The following KCNQ1OT1 variants were observed in gnomAD, a reference collection of about 807,000 sequenced individuals.
KCNQ1OT1 encodes the protein KCNQ1 antisense RNA 2 (non-protein coding).
Position 2,698,891 on chromosome 11 carries a change from A to G in KCNQ1OT1, n.1104T>C, listed in dbSNP as rs940071161. On this transcript the variant is annotated non_coding_transcript_exon_variant, in exon 1 of 1. Transcript: ENST00000597346. The surrounding 1 kb of genome is among the most constrained non-coding windows in gnomAD (Gnocchi z 5.1). ...TGGGACCCCAACTACTCAGATCCCA[A>G]CTCAGGCAAACTCCCAGCCAGGATG... The G allele has an allele frequency of 5.0e-6, 2 of 398,616 alleles. No homozygotes were observed. Among genetic ancestry groups the G allele is most frequent in the East Asian group, 3.6e-5 (1 of 28,090 alleles). 24.7% of individuals were successfully genotyped at this position (398,616 alleles called of 1,614,324 possible).
exon 1 of KCNQ1OT1, chr11:2,609,908 T>C: frequency 2.5e-6 from 1 of 398,106 alleles, no homozygotes; most frequent in Non-Finnish European, 4.4e-6. Context: ...ATTTATCATC[T>C]AAAGTGTGCC....
chr11:2,616,379 AG>A (rs1183117158), exon 1 of KCNQ1OT1: 1 of 397,720 alleles, frequency 2.5e-6, no homozygotes, highest in Non-Finnish European at 4.4e-6. Context: ...TGTTTATTTA[AG>A]CTCGAATTCA....
chr11:2,661,931 T>G lies in KCNQ1OT1; in HGVS notation n.38064A>C. The G allele has an allele frequency of 6.2e-7, 1 of 1,614,016 alleles. No individual in the cohort carries two copies. The highest frequency in any genetic ancestry group is 8.5e-7 in the Non-Finnish European group (1 of 1,180,024). On this transcript the variant is annotated non_coding_transcript_exon_variant, in exon 1 of 1. Transcript: ENST00000597346. This position sits in a 1 kb window ranked among gnomAD's most constrained non-coding sequence, Gnocchi z 5.9. Reference sequence around the variant, plus strand: ...GCACTGGCAGGTTGGGTGGGAGGCCTAACGTGCTGTCCCCACACTTTCTCC... The same window carrying G: ...GCACTGGCAGGTTGGGTGGGAGGCCGAACGTGCTGTCCCCACACTTTCTCC...
rs1249126036 is a variant in KCNQ1OT1, at chr11:2,613,291, A to G, written n.86704T>C. The G allele has an allele frequency of 2.5e-6, 1 of 398,562 alleles. No homozygotes were observed. Among genetic ancestry groups the G allele is most frequent in the East Asian group, 3.6e-5 (1 of 28,072 alleles). 24.7% of individuals were successfully genotyped at this position (398,562 alleles called of 1,614,324 possible). A position where few individuals can be genotyped will look rare whatever the true frequency, so the allele number is the denominator to read the frequency against. ...CTGATCTCTCCTGCAAGCATGTACA[A>G]CTTCCATATCTCCAGAATTCCTTTT... On this transcript the variant is annotated non_coding_transcript_exon_variant, in exon 1 of 1. Coordinates refer to ENST00000597346, the Ensembl canonical transcript of KCNQ1OT1. The surrounding 1 kb of genome is among the most constrained non-coding windows in gnomAD (Gnocchi z 4.8).
chr11:2,663,360 G>T lies in KCNQ1OT1; in HGVS notation n.36635C>A. ...GAGCAGGCTGGTAGCCAGATGGGCT[G>T]CCCAGGTACAGGTCAGCACCAGAAG... On this transcript the variant is annotated non_coding_transcript_exon_variant, in exon 1 of 1. Coordinates refer to ENST00000597346, the Ensembl canonical transcript of KCNQ1OT1. The surrounding 1 kb of genome is among the most constrained non-coding windows in gnomAD (Gnocchi z 5.2). The T allele has an allele frequency of 2.5e-6, 1 of 398,820 alleles. No homozygotes were observed. The highest frequency in any genetic ancestry group is 4.4e-6 in the Non-Finnish European group (1 of 226,210). 24.7% of individuals were successfully genotyped at this position (398,820 alleles called of 1,614,324 possible). A position where few individuals can be genotyped will look rare whatever the true frequency, so the allele number is the denominator to read the frequency against.
rs1850133781 is a variant in KCNQ1OT1, at chr11:2,669,005, C to T, written n.30990G>A. ...AGGCCGAGGTCAAGGTCCACTCTTC[C>T]CCTACTTGGATATCCAGTCTAGCTC... On this transcript the variant is annotated non_coding_transcript_exon_variant, in exon 1 of 1. Coordinates refer to ENST00000597346, the Ensembl canonical transcript of KCNQ1OT1. This position sits in a 1 kb window ranked among gnomAD's most constrained non-coding sequence, Gnocchi z 5.6. 1 of 398,554 alleles carries T rather than the reference C, an allele frequency of 2.5e-6. No homozygotes were observed. The highest frequency in any genetic ancestry group is 1.3e-4 in the South Asian group (1 of 7,862). 24.7% of individuals were successfully genotyped at this position (398,554 alleles called of 1,614,324 possible).
chr11:2,667,312 T>C (rs1169651156), exon 1 of KCNQ1OT1: 5 of 398,470 alleles, frequency 1.3e-5, no homozygotes, highest in East Asian at 3.6e-5. Context: ...TCTAGGTGGA[T>C]GGCCCAGAAG....
chr11:2,623,375 T>C lies in KCNQ1OT1; in HGVS notation n.76620A>G. 2.5e-6 allele frequency: 1 copy of C among 398,622 alleles called. No homozygotes were observed. Among genetic ancestry groups the C allele is most frequent in the Non-Finnish European group, 4.4e-6 (1 of 226,056 alleles). The allele number at this position is 398,622 out of a possible 1,614,324, so 24.7% of individuals were successfully genotyped here. Reference sequence around the variant, plus strand: ...TCATACAGATACGTATATTTACATATATTTGTACATTTTCACTGCCCTAAA... The same window carrying C: ...TCATACAGATACGTATATTTACATACATTTGTACATTTTCACTGCCCTAAA... On this transcript the variant is annotated non_coding_transcript_exon_variant, in exon 1 of 1. Transcript: ENST00000597346. The surrounding 1 kb of genome is among the most constrained non-coding windows in gnomAD (Gnocchi z 5.2).
rs1049477808 is a variant in KCNQ1OT1, at chr11:2,610,862, G to C, written n.89133C>G. 1.5e-5 allele frequency: 6 copies of C among 398,064 alleles called. No individual in the cohort carries two copies. The East Asian group carries it at 2.1e-4, about 14-fold the overall frequency. 24.7% of individuals were successfully genotyped at this position (398,064 alleles called of 1,614,324 possible). On this transcript the variant is annotated non_coding_transcript_exon_variant, in exon 1 of 1. Coordinates refer to ENST00000597346, the Ensembl canonical transcript of KCNQ1OT1. ...AGAACAGGGGAGGGTATTAAGCAGA[G>C]TGCCACATAGCCTCACCTCCCACCA...
chr11:2,685,531 G>A, exon 1 of KCNQ1OT1: 1 of 398,748 alleles, frequency 2.5e-6, no homozygotes. Context: ...TCCTACAGGT[G>A]CAGTGGGAGG....
Position 2,620,039 on chromosome 11 carries a change from G to C in KCNQ1OT1, n.79956C>G. 1 of 398,170 alleles carries C rather than the reference G, an allele frequency of 2.5e-6. No homozygotes were observed. The highest frequency in any genetic ancestry group is 4.4e-6 in the Non-Finnish European group (1 of 226,014). 24.7% of individuals were successfully genotyped at this position (398,170 alleles called of 1,614,324 possible). ...CCATTCCTCCCCCAAGTAGTCCCCA[G>C]TGTCTACTGATCATCTTTATGTCCA... On this transcript the variant is annotated non_coding_transcript_exon_variant, in exon 1 of 1. Coordinates refer to ENST00000597346, the Ensembl canonical transcript of KCNQ1OT1. This position sits in a 1 kb window ranked among gnomAD's most constrained non-coding sequence, Gnocchi z 4.5.
Position 2,621,459 on chromosome 11 carries a change from G to A in KCNQ1OT1, n.78536C>T, listed in dbSNP as rs946253092. Reference sequence around the variant, plus strand: ...TCTGGACATAGGACCTTTGCCAGATGAATAGTTTGCAAATATTTTTTCTCC... The same window carrying A: ...TCTGGACATAGGACCTTTGCCAGATAAATAGTTTGCAAATATTTTTTCTCC... On this transcript the variant is annotated non_coding_transcript_exon_variant, in exon 1 of 1. Coordinates refer to ENST00000597346, the Ensembl canonical transcript of KCNQ1OT1. The surrounding 1 kb of genome is among the most constrained non-coding windows in gnomAD (Gnocchi z 5.7). 7.5e-6 allele frequency: 3 copies of A among 398,536 alleles called. No individual in the cohort carries two copies. The highest frequency in any genetic ancestry group is 8.8e-6 in the Non-Finnish European group (2 of 226,052). 24.7% of individuals were successfully genotyped at this position (398,536 alleles called of 1,614,324 possible).
At chr11:2,667,429 C>T in exon 1 of KCNQ1OT1, 1 of 398,736 alleles carries the variant, frequency 2.5e-6, no homozygotes, top group Non-Finnish European at 4.4e-6. Flanking sequence ...GAACTCCCAG[C>T]CATGATGCTG....
rs762818502 is a variant in KCNQ1OT1, at chr11:2,661,965, G to A, written n.38030C>T. 1.9e-6 allele frequency: 3 copies of A among 1,614,182 alleles called. No homozygotes were observed. Among genetic ancestry groups the A allele is most frequent in the Non-Finnish European group, 2.5e-6 (3 of 1,180,046 alleles). The stretch of plus-strand genomic sequence containing the variant: ...GTCCCCACACTTTCTCCTCAGTAAG[G>A]AAGAGCCCAACACTGCTGGAAGTGA... On this transcript the variant is annotated non_coding_transcript_exon_variant, in exon 1 of 1. Coordinates refer to ENST00000597346, the Ensembl canonical transcript of KCNQ1OT1. The surrounding 1 kb of genome is among the most constrained non-coding windows in gnomAD (Gnocchi z 5.9).
In KCNQ1OT1 at chr11:2,678,391, A is replaced by G. The variant is rs1045826607; in HGVS notation, n.21604T>C. The G allele has an allele frequency of 1.3e-5, 5 of 398,432 alleles. No homozygotes were observed. Among genetic ancestry groups the G allele is most frequent in the African/African-American group, 2.1e-5 (1 of 48,610 alleles). 24.7% of individuals were successfully genotyped at this position (398,432 alleles called of 1,614,324 possible). ...AATTAAATCCAATTTGGTTTCCCAT[A>G]TATTTGTCCAGTTGTCCAACACTAT... On this transcript the variant is annotated non_coding_transcript_exon_variant, in exon 1 of 1. Transcript: ENST00000597346. This position sits in a 1 kb window ranked among gnomAD's most constrained non-coding sequence, Gnocchi z 4.9.
chr11:2,629,199 C>T (rs1261542468), exon 1 of KCNQ1OT1: 1 of 398,120 alleles, frequency 2.5e-6, no homozygotes. Context: ...GCTATTTCGG[C>T]AATATTTATT....
rs969799765 is a variant in KCNQ1OT1, at chr11:2,674,504, C to G, written n.25491G>C. 3 of 398,470 alleles carry G rather than the reference C, an allele frequency of 7.5e-6. No homozygotes were observed. The highest frequency in any genetic ancestry group is 6.2e-5 in the African/African-American group (3 of 48,604). 24.7% of individuals were successfully genotyped at this position (398,470 alleles called of 1,614,324 possible). ...GTAAGATGGCCCCAGTGTTACTAGG[C>G]ACTAGATGGCACTTGCAAAGCCCAT... On this transcript the variant is annotated non_coding_transcript_exon_variant, in exon 1 of 1. Coordinates refer to ENST00000597346, the Ensembl canonical transcript of KCNQ1OT1. The surrounding 1 kb of genome is among the most constrained non-coding windows in gnomAD (Gnocchi z 5.9).
exon 1 of KCNQ1OT1, chr11:2,640,802 C>T: frequency 5.0e-6 from 2 of 398,568 alleles, no homozygotes; most frequent in Non-Finnish European, 8.8e-6. Context: ...TGTATTTTTA[C>T]CCACTAACCA....
Position 2,623,566 on chromosome 11 carries a change from T to TTTA in KCNQ1OT1, n.76426_76428dup, listed in dbSNP as rs1849210250. ...CCTTATTTCACATAGTAATATGTTT[T>TTTA]TTAATTACCTCCATATCTTTTCATG... is the stretch of plus-strand genomic sequence containing the variant. On this transcript the variant is annotated non_coding_transcript_exon_variant, in exon 1 of 1. Transcript: ENST00000597346. This position sits in a 1 kb window ranked among gnomAD's most constrained non-coding sequence, Gnocchi z 5.2. 1 of 398,606 alleles carries TTTA rather than the reference T, an allele frequency of 2.5e-6. No homozygotes were observed. Among genetic ancestry groups the TTTA allele is most frequent in the Non-Finnish European group, 4.4e-6 (1 of 226,054 alleles). 24.7% of individuals were successfully genotyped at this position (398,606 alleles called of 1,614,324 possible).
Sources: gnomAD v4.1 joint callset for allele counts on GRCh38, gnomAD v4.1.1 for gene constraint, Gnocchi (gnomAD v3.1) non-coding constraint, MANE v1.5 for transcripts, NCBI Gene and HGNC (gene_info 2026-07-23, HGNC 2026-07-21) for gene names.